Variants in PDE4D observed in about 807,000 individuals in gnomAD.
The protein encoded by PDE4D is phosphodiesterase 4D, also known as 3',5'-cyclic-AMP phosphodiesterase 4D.
A neutral mutation model predicts 87.4 loss-of-function variants in PDE4D; 24 were observed. The ratio of observed to expected loss-of-function variants is 0.27; its 90% CI spans 0.20 to 0.39. PDE4D has a LOEUF of 0.39. Among genes scored for constraint, PDE4D ranks in the 10% least tolerant of loss-of-function variants. The pLI, the probability that PDE4D is intolerant of heterozygous loss-of-function variation, is 1.00. For missense variants in PDE4D, 714 were observed against 1,041.0 expected (o/e 0.69, Z 4.32); for synonymous variants, 384 against 383.2 (o/e 1.00, Z -0.02).
intron 1 of PDE4D, among the ~76,000 whole-genome samples, chr5:59,646,794 GGGA>G (rs1212636384): frequency 6.6e-6 from 1 of 152,152 alleles, no homozygotes; most frequent in Non-Finnish European, 1.5e-5. Context: ...CCAGCACTTT[GGGA>G]GGCCAAGGCA....
intron 5 of PDE4D, among the ~76,000 whole-genome samples, chr5:59,128,287 A>C (rs1222482579): frequency 6.6e-6 from 1 of 152,084 alleles, no homozygotes; most frequent in East Asian, 1.9e-4. Context: ...TAATAAAGAA[A>C]AAGAAATAGG....
At chr5:59,463,431 T>G (rs1801075503) in intron 1 of PDE4D, among the ~76,000 whole-genome samples, 1 of 152,170 alleles carries the variant, frequency 6.6e-6, no homozygotes, top group Non-Finnish European at 1.5e-5. Context: ...AATCAAAGAT[T>G]CACATTATAA....
At chr5:60,483,555 T>C (rs1748895232) in intron 1 of PDE4D, among the ~76,000 whole-genome samples, 1 of 152,192 alleles carries the variant, frequency 6.6e-6, no homozygotes, top group African/African-American at 2.4e-5. Context: ...TTCTAGCACC[T>C]AACTCCTGAT....
At chr5:60,178,210 T>C (rs935233246) in intron 2 of PDE4D, among the ~76,000 whole-genome samples, 1 of 152,170 alleles carries the variant, frequency 6.6e-6, no homozygotes, top group Admixed American at 6.6e-5. Context: ...TCTGAGTCAC[T>C]TTTACCAACA....
At chr5:59,350,465 C>T (rs1159319219) in intron 1 of PDE4D, among the ~76,000 whole-genome samples, 1 of 152,078 alleles carries the variant, frequency 6.6e-6, no homozygotes, top group African/African-American at 2.4e-5. Context: ...AACAAATGAA[C>T]CATCAGGTTC....
intron 1 of PDE4D, among the ~76,000 whole-genome samples, chr5:60,505,728 A>G (rs892444163): frequency 6.6e-6 from 1 of 152,224 alleles, no homozygotes; most frequent in Admixed American, 6.5e-5. Context: ...ACACTTAAAA[A>G]TGTTCATCCT....
intron 5 of PDE4D, among the ~76,000 whole-genome samples, chr5:59,058,879 C>T (rs900979779): frequency 1.5e-4 from 23 of 152,118 alleles, no homozygotes; most frequent in African/African-American, 5.3e-4. Context: ...CCTAAATGTA[C>T]TGAAGTCTAG....
intron 1 of PDE4D, among the ~76,000 whole-genome samples, chr5:60,520,842 C>G (rs902510778): frequency 6.6e-6 from 1 of 152,182 alleles, no homozygotes; most frequent in Admixed American, 6.5e-5. Flanking sequence ...CAAAGGCTTC[C>G]TCCCAGAGTC....
At chr5:59,392,525 T>TATATATATATATATATATATG (rs1788457915) in intron 1 of PDE4D, among the ~76,000 whole-genome samples, 2 of 96,760 alleles carry the variant, frequency 2.1e-5, no homozygotes, top group East Asian at 4.3e-4. Flanking sequence ...ATATATATAT[T>TATATATATATATATATATATG]CCATTAATTC....
chr5:59,016,193 G>C (rs1753931565), intron 6 of PDE4D, among the ~76,000 whole-genome samples: 1 of 152,010 alleles, frequency 6.6e-6, no homozygotes, highest in South Asian at 2.1e-4. Flanking sequence ...GAGTTAATGG[G>C]TGCAGCACAC....
chr5:59,078,889 G>C (rs904065450), intron 5 of PDE4D, among the ~76,000 whole-genome samples: 1 of 152,112 alleles, frequency 6.6e-6, no homozygotes, highest in Admixed American at 6.6e-5. Context: ...GTTATCACTG[G>C]AGCAGGTTTG....
chr5:58,998,954 T>C (rs1203564512), intron 6 of PDE4D, among the ~76,000 whole-genome samples: 1 of 148,850 alleles, frequency 6.7e-6, no homozygotes. Flanking sequence ...AAAAACTTTG[T>C]TCAGTTTTGC....
chr5:60,120,039 T>C lies in PDE4D; in HGVS notation c.42+65518A>G, dbSNP rs539482711. Among the ~76,000 whole-genome samples, 6 of 152,298 alleles carry C rather than the reference T, an allele frequency of 3.9e-5. No homozygotes were observed. The South Asian group carries it at 1.2e-3, about 32-fold the overall frequency. On this transcript the variant is annotated intron_variant, in intron 2 of 16. Coordinates refer to the PDE4D transcript ENST00000502484. Reference sequence around the variant, plus strand: ...CACTTCATCAATTATTTCCAAGCATTCTTTACAGGTCTAAAAGAATAATCT... The same window carrying C: ...CACTTCATCAATTATTTCCAAGCATCCTTTACAGGTCTAAAAGAATAATCT...
chr5:59,687,000 C>T (rs1371378126), intron 1 of PDE4D, among the ~76,000 whole-genome samples: 2 of 152,060 alleles, frequency 1.3e-5, no homozygotes, highest in Non-Finnish European at 2.9e-5. Context: ...TAGAGGTTCT[C>T]ATTAGCAACA....
intron 2 of PDE4D, among the ~76,000 whole-genome samples, chr5:59,208,549 AATGCTTT>A (rs1487265770): frequency 6.6e-6 from 1 of 152,234 alleles, no homozygotes; most frequent in Non-Finnish European, 1.5e-5. Flanking sequence ...CATTAAAATC[AATGCTTT>A]ATTTTTATAC....
chr5:60,084,969 G>A lies in PDE4D; in HGVS notation c.43-96252C>T, dbSNP rs531271598. Among the ~76,000 whole-genome samples, 18 of 152,132 alleles carry A rather than the reference G, an allele frequency of 1.2e-4. No homozygotes were observed. The South Asian group carries it at 3.5e-3, about 30-fold the overall frequency. On this transcript the variant is annotated intron_variant, in intron 2 of 16. Coordinates refer to the PDE4D transcript ENST00000502484. ...CAAAGACCAATTCTGATTGTTCAGC[G>A]TCCATGCCTTATTTAGGTGTTACGA...
chr5:60,350,372 T>C (rs974557677), intron 1 of PDE4D, among the ~76,000 whole-genome samples: 1 of 152,112 alleles, frequency 6.6e-6, no homozygotes, highest in African/African-American at 2.4e-5. Flanking sequence ...TTAACCTACA[T>C]CCTTTCTCAT....
At chr5:60,039,629 T>C (rs1582310805) in intron 2 of PDE4D, among the ~76,000 whole-genome samples, 1 of 151,970 alleles carries the variant, frequency 6.6e-6, no homozygotes, top group East Asian at 1.9e-4. Flanking sequence ...AATATAGATA[T>C]ATATGACAAG....
chr5:59,893,647 C>T lies in PDE4D; in HGVS notation c.-25G>A, dbSNP rs1386209772. ...TCCTGGCTCGCGGCTCCGCGACCTGCTGCCCAGCCCGGGTTCACCGCGCTG... is the reference window on the plus strand; with the variant it reads ...TCCTGGCTCGCGGCTCCGCGACCTGTTGCCCAGCCCGGGTTCACCGCGCTG... On this transcript the variant is annotated 5_prime_UTR_variant, in exon 1 of 15. Coordinates refer to ENST00000340635, the MANE Select transcript of PDE4D (RefSeq NM_001104631.2). The T allele has an allele frequency of 1.4e-6, 2 of 1,456,776 alleles. No individual in the cohort carries two copies. The highest frequency in any genetic ancestry group is 5.7e-5 in the Admixed American group (2 of 35,322). The allele number at this position is 1,456,776 out of a possible 1,614,324, so 90.2% of individuals were successfully genotyped here. A position where few individuals can be genotyped will look rare whatever the true frequency, so the allele number is the denominator to read the frequency against.
Sources: gnomAD v4.1 joint callset for allele counts (sites outside exome capture counted in the v4.1 genomes callset) on GRCh38, gnomAD v4.1.1 for gene constraint, MANE v1.5 for transcripts, NCBI Gene and HGNC (gene_info 2026-07-23, HGNC 2026-07-21) for gene names.